The following KCNMB4 variants were observed in gnomAD, a reference collection of about 807,000 sequenced individuals.
KCNMB4 encodes the protein calcium-activated potassium channel subunit beta-4.
Under a neutral mutation model 20.7 loss-of-function variants are expected in KCNMB4, and 3 were observed. That is an observed-to-expected ratio of 0.14 (90% CI 0.07 to 0.37). The LOEUF (loss-of-function observed/expected upper bound fraction) is 0.37. Among genes scored for constraint, KCNMB4 ranks in the 10% least tolerant of loss-of-function variants. The pLI, the probability that KCNMB4 is intolerant of heterozygous loss-of-function variation, is 1.00. For synonymous variants in KCNMB4, 110 were observed against 113.4 expected, an observed-to-expected ratio of 0.97 and a Z score of 0.19; for missense variants, 168 against 265.9, an observed-to-expected ratio of 0.63 and a Z score of 2.56.
chr12:70,415,390 C>T (rs1337993270), intron 2 of KCNMB4, among the ~76,000 whole-genome samples: 1 of 152,182 alleles, frequency 6.6e-6, no homozygotes, highest in African/African-American at 2.4e-5. Flanking sequence ...TAATTAGACT[C>T]ACAATTTAGT....
chr12:70,390,773 A>G (rs187531403), intron 1 of KCNMB4, among the ~76,000 whole-genome samples: 87 of 152,336 alleles, frequency 5.7e-4, no homozygotes, highest in Admixed American at 8.5e-4. Context: ...ACAATCGTGA[A>G]GAGAGTTCAT....
At chr12:70,390,580 G>A (rs758218110) in intron 1 of KCNMB4, among the ~76,000 whole-genome samples, 3 of 152,194 alleles carry the variant, frequency 2.0e-5, no homozygotes, top group African/African-American at 7.2e-5. Flanking sequence ...AAGCCACTGA[G>A]CCATAGAGAT....
intron 2 of KCNMB4, among the ~76,000 whole-genome samples, chr12:70,410,294 T>G (rs1272805536): frequency 1.3e-5 from 2 of 152,252 alleles, no homozygotes; most frequent in Non-Finnish European, 2.9e-5. Flanking sequence ...TTTATTACTA[T>G]TATTAAGATT....
At chr12:70,395,812 A>G (rs555496168) in intron 1 of KCNMB4, among the ~76,000 whole-genome samples, 3 of 152,350 alleles carry the variant, frequency 2.0e-5, no homozygotes, top group Non-Finnish European at 4.4e-5. Context: ...TTATTTGTGC[A>G]ATAATGATAT....
At chr12:70,411,545 A>G (rs1408446858) in intron 2 of KCNMB4, among the ~76,000 whole-genome samples, 3 of 152,182 alleles carry the variant, frequency 2.0e-5, no homozygotes, top group Non-Finnish European at 4.4e-5. Flanking sequence ...AGCCCATTTC[A>G]GGGGCTACAG....
At position 70,391,888 on chromosome 12, in the gene KCNMB4, A is replaced by G. The variant is rs559822000; in HGVS notation, c.337-8321A>G. ...AGAGAAGCTAGACCTCCACCTCTCA[A>G]TTGAGGAGTGCCAACATCACATTGT... On this transcript the variant is annotated intron_variant, in intron 1 of 2. Transcript: ENST00000258111. Among the ~76,000 whole-genome samples the G allele has an allele frequency of 3.3e-5, 5 of 152,322 alleles. No individual in the cohort carries two copies. In the East Asian group the frequency reaches 7.7e-4, roughly 24 times the overall value.
chr12:70,393,501 G>A (rs1001587260), intron 1 of KCNMB4, among the ~76,000 whole-genome samples: 5 of 152,062 alleles, frequency 3.3e-5, no homozygotes, highest in East Asian at 1.9e-4. Context: ...ACGCCCCGCC[G>A]TGTTTTTATT....
chr12:70,378,300 A>G (rs535364704), intron 1 of KCNMB4, among the ~76,000 whole-genome samples: 1 of 152,200 alleles, frequency 6.6e-6, no homozygotes, highest in East Asian at 1.9e-4. Flanking sequence ...TTTCTACCAC[A>G]TCTGTAGTTA....
rs150153672 is a variant in KCNMB4 at position 70,401,772 on chromosome 12, C to T, written c.464+1436C>T. Reference sequence around the variant, plus strand: ...AGTCAGTGCTGGCTGTCAGCTGGGGCGCCTCAGTATCCCCACCACCTGGCC... The same window carrying T: ...AGTCAGTGCTGGCTGTCAGCTGGGGTGCCTCAGTATCCCCACCACCTGGCC... On this transcript the variant is annotated intron_variant, in intron 2 of 2. Coordinates refer to ENST00000258111, the MANE Select transcript of KCNMB4 (RefSeq NM_014505.6). Among the ~76,000 whole-genome samples the T allele has an allele frequency of 2.8e-3, 423 of 151,940 alleles. 3 individuals carry two copies. Among genetic ancestry groups the T allele is most frequent in the Non-Finnish European group, 3.7e-3 (249 of 67,982 alleles).
chr12:70,399,149 G>A (rs1442000441), intron 1 of KCNMB4, among the ~76,000 whole-genome samples: 3 of 152,182 alleles, frequency 2.0e-5, no homozygotes, highest in African/African-American at 4.8e-5. Context: ...TGTGCATCAT[G>A]CTAAAACATT....
Position 70,414,561 on chromosome 12 carries a change from G to T in KCNMB4, c.464+14225G>T, listed in dbSNP as rs148632696. ...TCATTTGGGATGCTTTTCTTACTGTGCCCTGAGCTGGCCAGTGCAGAGGAA... is the reference window on the plus strand; with the variant it reads ...TCATTTGGGATGCTTTTCTTACTGTTCCCTGAGCTGGCCAGTGCAGAGGAA... On this transcript the variant is annotated intron_variant, in intron 2 of 2. Coordinates refer to ENST00000258111, the MANE Select transcript of KCNMB4 (RefSeq NM_014505.6). Among the ~76,000 whole-genome samples, 4 of 152,268 alleles carry T rather than the reference G, an allele frequency of 2.6e-5. No individual in the cohort carries two copies. In the East Asian group the frequency reaches 7.7e-4, roughly 29 times the overall value.
intron 1 of KCNMB4, among the ~76,000 whole-genome samples, chr12:70,386,113 G>A (rs1044786477): frequency 6.6e-6 from 1 of 152,078 alleles, no homozygotes; most frequent in African/African-American, 2.4e-5. Context: ...AATGAAATTA[G>A]TAATCTCAGT....
intron 1 of KCNMB4, among the ~76,000 whole-genome samples, chr12:70,384,322 T>C (rs986304245): frequency 2.7e-5 from 4 of 148,522 alleles, no homozygotes; most frequent in African/African-American, 1.0e-4. Flanking sequence ...GAGAGAAAAC[T>C]GAGAACTGTT....
chr12:70,390,354 G>A (rs1261404979), intron 1 of KCNMB4, among the ~76,000 whole-genome samples: 1 of 152,206 alleles, frequency 6.6e-6, no homozygotes, highest in African/African-American at 2.4e-5. Flanking sequence ...TTATGTTTTA[G>A]TGAGTCAAAA....
intron 1 of KCNMB4, among the ~76,000 whole-genome samples, chr12:70,372,830 T>C (rs1883621663): frequency 6.6e-6 from 1 of 151,870 alleles, no homozygotes; most frequent in Admixed American, 6.6e-5. Context: ...GATATGAACA[T>C]CCAGAGGGAA....
chr12:70,384,788 C>G (rs1205904635), intron 1 of KCNMB4, among the ~76,000 whole-genome samples: 1 of 145,872 alleles, frequency 6.9e-6, no homozygotes, highest in African/African-American at 2.6e-5. Context: ...ACGGTAGGAT[C>G]GCTTGAGCCC....
chr12:70,408,011 T>G (rs1314716887), intron 2 of KCNMB4, among the ~76,000 whole-genome samples: 1 of 152,230 alleles, frequency 6.6e-6, no homozygotes, highest in African/African-American at 2.4e-5. Flanking sequence ...CTATAGCAGT[T>G]GTGTTAACTT....
chr12:70,382,531 T>A (rs1233723469), intron 1 of KCNMB4, among the ~76,000 whole-genome samples: 1 of 151,892 alleles, frequency 6.6e-6, no homozygotes, highest in Non-Finnish European at 1.5e-5. Context: ...ACATTAATAT[T>A]GTATATATGG....
intron 1 of KCNMB4, among the ~76,000 whole-genome samples, chr12:70,375,344 GCACATT>G (rs1883666226): frequency 1.3e-5 from 2 of 152,000 alleles, no homozygotes; most frequent in Non-Finnish European, 2.9e-5. Context: ...TGTTAGAGAT[GCACATT>G]CTGGCTGAGC....
Sources: gnomAD v4.1 joint callset for allele counts (sites outside exome capture counted in the v4.1 genomes callset) on GRCh38, gnomAD v4.1.1 for gene constraint, MANE v1.5 for transcripts, NCBI Gene and HGNC (gene_info 2026-07-23, HGNC 2026-07-21) for gene names.